LMX1A: variants seen among roughly 807,000 people sequenced by gnomAD.
LMX1A encodes the protein LIM homeobox transcription factor 1-alpha.
LMX1A carries 15 observed loss-of-function variants against 49.1 expected under a neutral mutation model. That is an observed-to-expected ratio of 0.31 (90% CI 0.20 to 0.47). The LOEUF (loss-of-function observed/expected upper bound fraction) is 0.47. Among genes scored for constraint, LMX1A ranks in the 20% least tolerant of loss-of-function variants. LMX1A has a pLI of 1.00. For missense variants in LMX1A, 372 were observed against 475.8 expected (o/e 0.78, Z 2.03); for synonymous variants, 167 against 185.7 (o/e 0.90, Z 0.82).
chr1:165,263,754 G>A (rs753577469), intron 3 of LMX1A, among the ~76,000 whole-genome samples: 23 of 152,174 alleles, frequency 1.5e-4, no homozygotes, highest in Non-Finnish European at 2.9e-4. Flanking sequence ...AAAGACTTAT[G>A]AAGGTTTAAG....
At chr1:165,276,751 A>G (rs1557871176) in intron 3 of LMX1A, among the ~76,000 whole-genome samples, 1 of 152,234 alleles carries the variant, frequency 6.6e-6, no homozygotes, top group Non-Finnish European at 1.5e-5. Flanking sequence ...GGAAAAAAGC[A>G]TACAATTAGG....
rs79925047 is a variant in LMX1A, at chr1:165,355,990, C to T, written c.-23+365G>A. On this transcript the variant is annotated intron_variant, in intron 1 of 8. Coordinates refer to ENST00000342310, the MANE Select transcript of LMX1A (RefSeq NM_177398.4). This position sits in a 1 kb window ranked among gnomAD's most constrained non-coding sequence, Gnocchi z 4.7. ...TGGGTATATAAAGAGTGGGTACCCT[C>T]CCTCGAGCGACCGGGTCCAGGCACG... 0.011 allele frequency: 1,674 copies of T among 158,920 alleles called. 31 individuals are homozygous for T. Among genetic ancestry groups the T allele is most frequent in the African/African-American group, 0.038 (1,607 of 41,816 alleles). 9.8% of individuals were successfully genotyped at this position (158,920 alleles called of 1,614,324 possible).
intron 3 of LMX1A, among the ~76,000 whole-genome samples, chr1:165,298,753 C>A (rs1447241529): frequency 5.3e-5 from 8 of 152,162 alleles, no homozygotes; most frequent in Admixed American, 5.2e-4. Context: ...ATCAAAATGA[C>A]CAAGAATTAT....
chr1:165,245,586 T>C (rs1201479056), intron 4 of LMX1A, among the ~76,000 whole-genome samples: 1 of 150,784 alleles, frequency 6.6e-6, no homozygotes, highest in Non-Finnish European at 1.5e-5. Flanking sequence ...CTCAAATGCA[T>C]CATTTAAAAT....
intron 4 of LMX1A, chr1:165,219,186 T>A (rs1247231514): frequency 1.3e-5 from 2 of 152,262 alleles, no homozygotes; most frequent in African/African-American, 4.8e-5. Flanking sequence ...CCATGGTTTA[T>A]GGCTCAGAGA....
At chr1:165,219,856 A>G (rs1651773338) in intron 4 of LMX1A, among the ~76,000 whole-genome samples, 1 of 152,190 alleles carries the variant, frequency 6.6e-6, no homozygotes, top group Admixed American at 6.5e-5. Flanking sequence ...TCTCACAGAT[A>G]TATGTGATTA....
In LMX1A at chr1:165,210,056, T is replaced by C. The variant is rs142217019; in HGVS notation, c.747+643A>G. On this transcript the variant is annotated intron_variant, in intron 6 of 8. Coordinates refer to ENST00000342310, the MANE Select transcript of LMX1A (RefSeq NM_177398.4). ...TTGTCACAGAAGCATTCTGCGCTGA[T>C]TGTTGTAGTGTAAGAGCAGAGGAAA... Among the ~76,000 whole-genome samples the C allele has an allele frequency of 6.3e-3, 963 of 152,360 alleles. 8 individuals are homozygous for C. Among genetic ancestry groups the C allele is most frequent in the African/African-American group, 0.021 (888 of 41,584 alleles).
chr1:165,346,102 T>C (rs1482236401), intron 3 of LMX1A, among the ~76,000 whole-genome samples: 6 of 152,334 alleles, frequency 3.9e-5, no homozygotes, highest in African/African-American at 1.2e-4. Context: ...ACACTTAAGA[T>C]ATTTTTAATA....
intron 3 of LMX1A, among the ~76,000 whole-genome samples, chr1:165,295,268 A>G (rs1654582130): frequency 6.9e-6 from 1 of 145,150 alleles, no homozygotes; most frequent in Non-Finnish European, 1.5e-5. Context: ...AGAAAAAAAG[A>G]AAAAAAAATC....
chr1:165,315,698 C>T lies in LMX1A; in HGVS notation c.263+37378G>A, dbSNP rs111792639. ...CAGCCTTGAGATCTGGCCCCCTCTA[C>T]CCCCAGGAAAAACCTCAAAACCATC... On this transcript the variant is annotated intron_variant, in intron 3 of 8. Coordinates refer to ENST00000342310, the MANE Select transcript of LMX1A (RefSeq NM_177398.4). 1.3e-3 allele frequency among the ~76,000 whole-genome samples: 199 copies of T among 152,242 alleles called. 1 individual carries two copies. Among genetic ancestry groups the T allele is most frequent in the Admixed American group, 0.01 (155 of 15,282 alleles).
intron 4 of LMX1A, among the ~76,000 whole-genome samples, chr1:165,243,490 T>C (rs893000241): frequency 2.6e-5 from 4 of 152,248 alleles, no homozygotes; most frequent in Non-Finnish European, 4.4e-5. Flanking sequence ...ATCCCCTTCT[T>C]GGTTGTACCT....
chr1:165,285,515 A>T (rs1347190875), intron 3 of LMX1A, among the ~76,000 whole-genome samples: 1 of 152,196 alleles, frequency 6.6e-6, no homozygotes, highest in East Asian at 1.9e-4. Flanking sequence ...GTTGTCTGGC[A>T]GTAAAGTCCT....
Position 165,327,371 on chromosome 1 carries a change from C to T in LMX1A, c.263+25705G>A, listed in dbSNP as rs76723116. ...TGTTTCAAAGGACTACTGCAGTAGA[C>T]ATGGACACCCAGAAAAAGCCCCAGG... On this transcript the variant is annotated intron_variant, in intron 3 of 8. Transcript: ENST00000342310. Among the ~76,000 whole-genome samples the T allele has an allele frequency of 1.1e-4, 17 of 152,334 alleles. No homozygotes were observed. In the East Asian group the frequency reaches 3.1e-3, roughly 28 times the overall value.
At chr1:165,241,861 G>T (rs145813535) in intron 4 of LMX1A, among the ~76,000 whole-genome samples, 3 of 152,306 alleles carry the variant, frequency 2.0e-5, no homozygotes, top group African/African-American at 7.2e-5. Context: ...CTAAATACGA[G>T]CAGTGGAGAG....
At chr1:165,326,052 G>A (rs1310885750) in intron 3 of LMX1A, among the ~76,000 whole-genome samples, 1 of 151,972 alleles carries the variant, frequency 6.6e-6, no homozygotes, top group Non-Finnish European at 1.5e-5. Flanking sequence ...TGGAGCTCGT[G>A]CAGCCCCTGG....
In LMX1A at chr1:165,249,450, G is replaced by T. The variant is rs559035208; in HGVS notation, c.454C>A (p.Arg152=). 32 of 1,614,054 alleles carry T rather than the reference G, an allele frequency of 2.0e-5. 1 individual carries two copies. In the South Asian group the frequency reaches 3.3e-4, roughly 17 times the overall value. ...LLCKGDYEKE[R]ELLSLVSPAA... ...GGGCTCACCAGGCTGAGCAGCTCCC[G>T]CTCCTTCTCATAGTCCCCTTTGCAG... The change falls in exon 4 of 9, where the codon CGG becomes AGG. Residue 152 remains arginine, a synonymous_variant. Transcript: ENST00000342310.
At chr1:165,352,761 A>G (rs570876147) in intron 3 of LMX1A, among the ~76,000 whole-genome samples, 3 of 152,354 alleles carry the variant, frequency 2.0e-5, no homozygotes, top group South Asian at 4.1e-4. Context: ...CAAGGCTAAC[A>G]AAGAGTGGCC....
intron 4 of LMX1A, among the ~76,000 whole-genome samples, chr1:165,219,680 GT>G (rs2102610408): frequency 6.6e-6 from 1 of 152,340 alleles, no homozygotes; most frequent in African/African-American, 2.4e-5. Context: ...CTGACACATA[GT>G]TCTTCAAGGG....
chr1:165,274,951 A>G (rs1036797759), intron 3 of LMX1A, among the ~76,000 whole-genome samples: 1 of 152,180 alleles, frequency 6.6e-6, no homozygotes, highest in Non-Finnish European at 1.5e-5. Flanking sequence ...GGTGCTCAAT[A>G]ATTGGTAGTA....
Sources: gnomAD v4.1 joint callset for allele counts (sites outside exome capture counted in the v4.1 genomes callset) on GRCh38, gnomAD v4.1.1 for gene constraint, Gnocchi (gnomAD v3.1) non-coding constraint, MANE v1.5 for transcripts, NCBI Gene and HGNC (gene_info 2026-07-23, HGNC 2026-07-21) for gene names.